Variants in RALGAPA1 observed in about 807,000 individuals in gnomAD.
RALGAPA1 encodes ral GTPase-activating protein subunit alpha-1.
A neutral mutation model predicts 269.6 loss-of-function variants in RALGAPA1; 52 were observed. That is an observed-to-expected ratio of 0.19 (90% CI 0.15 to 0.24). The LOEUF is 0.24. Among genes scored for constraint, RALGAPA1 ranks in the 10% least tolerant of loss-of-function variants. The probability of loss-of-function intolerance (pLI) is 1.00; values close to 1 mark genes in which losing one functional copy is unlikely to be tolerated. For synonymous variants in RALGAPA1, 817 were observed against 1,008.3 expected (o/e 0.81, Z 3.60); for missense variants, 1,917 against 3,013.9 (o/e 0.64, Z 8.52).
At chr14:35,783,057 C>G (rs931106632) in intron 1 of RALGAPA1, among the ~76,000 whole-genome samples, 1 of 152,016 alleles carries the variant, frequency 6.6e-6, no homozygotes, top group African/African-American at 2.4e-5. Flanking sequence ...CTCCCGGACT[C>G]AAGTGATCCT....
chr14:35,685,278 C>A lies in RALGAPA1; in HGVS notation c.4078-133G>T, dbSNP rs1331324144. On this transcript the variant is annotated intron_variant, in intron 19 of 41. Coordinates refer to ENST00000680220, the MANE Select transcript of RALGAPA1 (RefSeq NM_001346249.2). ...CTGAAGTAGGAGTGGAGAACACACT[C>A]ACCAAACAATCTATGTAACTGAATG... 9.0e-6 allele frequency: 7 copies of A among 776,628 alleles called. No individual in the cohort carries two copies. The East Asian group carries it at 1.6e-4, about 18-fold the overall frequency. 48.1% of individuals were successfully genotyped at this position (776,628 alleles called of 1,614,324 possible).
At chr14:35,563,060 A>G (rs868536050) in intron 39 of RALGAPA1, among the ~76,000 whole-genome samples, 2 of 149,784 alleles carry the variant, frequency 1.3e-5, no homozygotes, top group African/African-American at 4.9e-5. Flanking sequence ...AATCCATGCT[A>G]AATCTAAACT....
At chr14:35,615,626 T>C (rs988496250) in intron 35 of RALGAPA1, among the ~76,000 whole-genome samples, 11 of 152,156 alleles carry the variant, frequency 7.2e-5, no homozygotes, top group African/African-American at 2.4e-4. Flanking sequence ...TCATTTAATG[T>C]AGTGTATAAA....
At chr14:35,705,105 A>G (rs1465374594) in intron 16 of RALGAPA1, among the ~76,000 whole-genome samples, 1 of 152,086 alleles carries the variant, frequency 6.6e-6, no homozygotes, top group Admixed American at 6.5e-5. Flanking sequence ...AGTTTCCCCA[A>G]TTATTAACAT....
At chr14:35,550,563 C>G (rs780526734) in intron 39 of RALGAPA1, among the ~76,000 whole-genome samples, 8 of 151,878 alleles carry the variant, frequency 5.3e-5, no homozygotes, top group Non-Finnish European at 1.2e-4. Context: ...ATGGGAGATA[C>G]CATGGCCAGT....
intron 1 of RALGAPA1, among the ~76,000 whole-genome samples, chr14:35,797,250 G>T (rs1207062468): frequency 6.7e-6 from 1 of 149,914 alleles, no homozygotes; most frequent in Non-Finnish European, 1.5e-5. Flanking sequence ...GCTACTAGGG[G>T]GCTGAAGCAG....
chr14:35,718,056 A>G (rs1340660651), intron 16 of RALGAPA1, among the ~76,000 whole-genome samples: 5 of 152,148 alleles, frequency 3.3e-5, no homozygotes, highest in Admixed American at 3.3e-4. Flanking sequence ...GGATAGAATA[A>G]GCTTTCCCTG....
At chr14:35,587,985 C>A (rs907261387) in intron 37 of RALGAPA1, among the ~76,000 whole-genome samples, 2 of 152,228 alleles carry the variant, frequency 1.3e-5, no homozygotes, top group Non-Finnish European at 2.9e-5. Flanking sequence ...CAGCTTACTG[C>A]AACCTCCGCC....
intron 31 of RALGAPA1, among the ~76,000 whole-genome samples, chr14:35,640,703 CAG>C (rs2139825261): frequency 6.6e-6 from 1 of 152,222 alleles, no homozygotes. Flanking sequence ...TTCTGAAAAA[CAG>C]AGGAGGAAGT....
chr14:35,653,613 G>A (rs1248360946), intron 30 of RALGAPA1, among the ~76,000 whole-genome samples: 1 of 151,990 alleles, frequency 6.6e-6, no homozygotes, highest in Non-Finnish European at 1.5e-5. Context: ...TAAAGAATTT[G>A]GGCTTTATTT....
intron 6 of RALGAPA1, among the ~76,000 whole-genome samples, chr14:35,757,974 C>T (rs889752629): frequency 7.9e-5 from 12 of 151,986 alleles, no homozygotes; most frequent in South Asian, 2.1e-4. Context: ...TTAGGCTGGG[C>T]GCAGTGGCTC....
At chr14:35,705,490 GT>G (rs980444819) in intron 16 of RALGAPA1, among the ~76,000 whole-genome samples, 7 of 146,774 alleles carry the variant, frequency 4.8e-5, no homozygotes, top group Middle Eastern at 3.5e-3. Context: ...GTTTCTTCAT[GT>G]TTTTTTTTTC....
chr14:35,686,046 T>C (rs2065897896), intron 19 of RALGAPA1, among the ~76,000 whole-genome samples: 1 of 152,214 alleles, frequency 6.6e-6, no homozygotes, highest in East Asian at 1.9e-4. Context: ...GGTTAAGCAG[T>C]ATTTGTGCTA....
chr14:35,648,863 T>C (rs928770433), intron 31 of RALGAPA1, among the ~76,000 whole-genome samples: 1 of 152,222 alleles, frequency 6.6e-6, no homozygotes, highest in African/African-American at 2.4e-5. Flanking sequence ...TTGTCTTCTA[T>C]GTGATTACTC....
chr14:35,683,897 T>A lies in RALGAPA1; in HGVS notation c.4383A>T (p.Glu1461Asp). The A allele has an allele frequency of 1.2e-6, 2 of 1,613,166 alleles. No individual in the cohort carries two copies. The highest frequency in any genetic ancestry group is 1.1e-5 in the South Asian group (1 of 90,990). The stretch of plus-strand genomic sequence containing the variant: ...TATGAAGAGTAGTTAGACTAGCCAC[T>A]TCCTGCTCTTCAGCACTCTGATGAT... Reference protein sequence around the residue: ...SGHHQSAEEQEVASLTTLHID... With the variant: ...SGHHQSAEEQDVASLTTLHID... Residue 1461 changes from glutamate (E) to aspartate (D), a missense_variant, in exon 21 of 42, where the codon GAA becomes GAT. This residue lies in a region of RALGAPA1 where 615 missense variants were observed against 790.0 expected (regional missense o/e 0.78). Coordinates refer to ENST00000680220, the MANE Select transcript of RALGAPA1 (RefSeq NM_001346249.2).
chr14:35,579,327 G>A (rs1449118150), intron 37 of RALGAPA1, among the ~76,000 whole-genome samples: 1 of 152,136 alleles, frequency 6.6e-6, no homozygotes, highest in Non-Finnish European at 1.5e-5. Flanking sequence ...GTGCCATAGT[G>A]AGGAATTAGA....
At chr14:35,716,903 A>C (rs75626973) in intron 16 of RALGAPA1, among the ~76,000 whole-genome samples, 6,756 of 152,226 alleles carry the variant, frequency 0.044, 396 homozygotes, top group South Asian at 0.14. Flanking sequence ...CTCCATTGTA[A>C]AGGTATATTT....
intron 35 of RALGAPA1, among the ~76,000 whole-genome samples, chr14:35,624,837 C>A (rs2060888822): frequency 6.6e-6 from 1 of 152,050 alleles, no homozygotes; most frequent in Non-Finnish European, 1.5e-5. Flanking sequence ...AAACCAAAGG[C>A]TATTTTACAG....
intron 14 of RALGAPA1, 73 bp downstream of exon 14, chr14:35,724,951 C>A (rs1259214388): frequency 3.6e-5 from 44 of 1,220,078 alleles, no homozygotes; most frequent in Non-Finnish European, 4.4e-5. Context: ...TTTTAAAAAA[C>A]AAACAAACAA....
Sources: allele counts gnomAD v4.1 joint callset (sites outside exome capture counted in the v4.1 genomes callset), GRCh38; gene constraint gnomAD v4.1.1; regional missense constraint gnomAD v4.1.1; transcripts MANE v1.5; gene names NCBI Gene and HGNC (gene_info 2026-07-23, HGNC 2026-07-21).